The following ZNF493 variants were observed in gnomAD, a reference collection of about 807,000 sequenced individuals.
The protein encoded by ZNF493 is zinc finger protein 493.
Under a neutral mutation model 12.2 loss-of-function variants are expected in ZNF493, and 11 were observed. That is an observed-to-expected ratio of 0.90 (90% confidence interval 0.57 to 1.50). The LOEUF (loss-of-function observed/expected upper bound fraction) is 1.50, where lower values mean the gene tolerates loss of function less well. Among genes scored for constraint, ZNF493 ranks in the 40% most tolerant of loss-of-function variants. The probability of loss-of-function intolerance (pLI) is 0.00; values close to 1 mark genes in which losing one functional copy is unlikely to be tolerated. For synonymous variants in ZNF493, 286 were observed against 302.6 expected (o/e 0.95, Z 0.57); for missense variants, 950 against 906.6 (o/e 1.05, Z -0.61).
rs775665430 is a variant in ZNF493, at chr19:21,423,364, G to A, written c.705G>A (p.Glu235=). 2 of 1,613,626 alleles carry A rather than the reference G, an allele frequency of 1.2e-6. No homozygotes were observed. Among genetic ancestry groups the A allele is most frequent in the South Asian group, 2.2e-5 (2 of 91,068 alleles). The change falls in exon 4 of 4, where the codon GAG becomes GAA. Residue 235 remains glutamate, a synonymous_variant. Transcript: ENST00000392288. The part of the protein sequence containing the change: ...LTRHRRVHTG[E]KSYKYECGKS... Reference sequence around the variant, plus strand: ...GACACAGGAGAGTTCATACTGGAGAGAAATCCTACAAATATGAATGTGGCA... The same window carrying A: ...GACACAGGAGAGTTCATACTGGAGAAAAATCCTACAAATATGAATGTGGCA...
chr19:21,408,587 T>A lies in ZNF493; in HGVS notation c.253+2731T>A, dbSNP rs559142620. ...TACTGTAGTTAGACAAATTCTTTTT[T>A]AATGGTATATTAATGTTGCATACCA... On this transcript the variant is annotated intron_variant, in intron 3 of 3. Coordinates refer to ENST00000392288, the MANE Select transcript of ZNF493 (RefSeq NM_001076678.3). 11 of 985,278 alleles carry A rather than the reference T, an allele frequency of 1.1e-5. No homozygotes were observed. The African/African-American group carries it at 1.6e-4, about 14-fold the overall frequency. The allele number at this position is 985,278 out of a possible 1,614,324, so 61.0% of individuals were successfully genotyped here.
intron 3 of ZNF493, among the ~76,000 whole-genome samples, chr19:21,416,894 T>C (rs1028529250): frequency 2.6e-5 from 4 of 152,208 alleles, no homozygotes; most frequent in Non-Finnish European, 5.9e-5. Flanking sequence ...CTATTGTCCC[T>C]GCTGGCAAGG....
chr19:21,410,655 G>T (rs146394377), intron 3 of ZNF493, among the ~76,000 whole-genome samples: 2 of 151,992 alleles, frequency 1.3e-5, no homozygotes, highest in African/African-American at 4.8e-5. Context: ...CAAGTATAGT[G>T]TAGTTACATT....
chr19:21,422,823 G>A, intron 3 of ZNF493, 90 bp from the exon 4 acceptor site: 1 of 1,178,188 alleles, frequency 8.5e-7, no homozygotes, highest in East Asian at 2.5e-5. Flanking sequence ...TCTGGTTTAT[G>A]CAGTTTGTAT....
At chr19:21,422,144 C>T (rs946792787) in intron 3 of ZNF493, among the ~76,000 whole-genome samples, 7 of 152,024 alleles carry the variant, frequency 4.6e-5, no homozygotes, top group East Asian at 1.9e-4. Context: ...GCACCTGGCC[C>T]CTAGTCATCT....
At chr19:21,420,940 G>T (rs1030268623) in intron 3 of ZNF493, among the ~76,000 whole-genome samples, 1 of 151,402 alleles carries the variant, frequency 6.6e-6, no homozygotes, top group Non-Finnish European at 1.5e-5. Context: ...GTAGAGATGG[G>T]TTCCCCCATG....
intron 3 of ZNF493, among the ~76,000 whole-genome samples, chr19:21,417,328 GC>G (rs1364832894): frequency 1.3e-5 from 2 of 152,026 alleles, no homozygotes; most frequent in African/African-American, 4.8e-5. Context: ...TCTTGTCGTT[GC>G]CTGTGCTAGC....
chr19:21,424,798 C>T lies in ZNF493; in HGVS notation c.2139C>T (p.Cys713=), dbSNP rs767695804. The T allele has an allele frequency of 6.2e-7, 1 of 1,613,456 alleles. No individual in the cohort carries two copies. The highest frequency in any genetic ancestry group is 1.3e-5 in the African/African-American group (1 of 74,908). Residue 713 remains cysteine (C), a synonymous_variant, in exon 4 of 4, where the codon TGC becomes TGT. Coordinates refer to ENST00000392288, the MANE Select transcript of ZNF493 (RefSeq NM_001076678.3). ...HKIIHTGEKP[C]KCEECGKAFN... is the part of the protein sequence containing the mutation. Reference sequence around the variant, plus strand: ...TAATTCATACTGGAGAGAAACCTTGCAAATGTGAAGAATGTGGCAAAGCTT... The same window carrying T: ...TAATTCATACTGGAGAGAAACCTTGTAAATGTGAAGAATGTGGCAAAGCTT...
chr19:21,408,791 C>T, intron 3 of ZNF493: 1 of 982,590 alleles, frequency 1.0e-6, no homozygotes. Flanking sequence ...AGCCATATGT[C>T]TATCACAATC....
Position 21,405,183 on chromosome 19 carries a change from T to C in ZNF493, c.85T>C (p.Cys29Arg). 6.2e-7 allele frequency: 1 copy of C among 1,614,058 alleles called. No individual in the cohort carries two copies. Among genetic ancestry groups the C allele is most frequent in the Non-Finnish European group, 8.5e-7 (1 of 1,179,996 alleles). The change falls in exon 2 of 4, where the codon TGC becomes CGC. Residue 29 changes from cysteine to arginine, a missense_variant. Cys to Arg is a radical substitution (Grantham distance 180). Coordinates refer to ENST00000392288, the MANE Select transcript of ZNF493 (RefSeq NM_001076678.3). ...AIEFSLEEWQ[C>R]LDTAQQDLYR... ...AGAATTCTCTCTGGAGGAGTGGCAA[T>C]GCCTGGACACTGCTCAGCAGGATTT... is the stretch of plus-strand genomic sequence containing the variant.
chr19:21,420,529 T>G (rs2030624856), intron 3 of ZNF493, among the ~76,000 whole-genome samples: 1 of 68,208 alleles, frequency 1.5e-5, no homozygotes, highest in Admixed American at 1.5e-4. Context: ...CATTTATTTT[T>G]GAAGTTTTTT....
intron 3 of ZNF493, chr19:21,408,500 T>C (rs1383868125): frequency 1.0e-6 from 1 of 983,878 alleles, no homozygotes; most frequent in Non-Finnish European, 1.2e-6. Flanking sequence ...CTGCATATTC[T>C]CTGAAATTTT....
intron 3 of ZNF493, among the ~76,000 whole-genome samples, chr19:21,410,060 G>GTA (rs60038018): frequency 0.027 from 1,188 of 43,882 alleles, 32 homozygotes; most frequent in Admixed American, 0.16. Flanking sequence ...TTCATTGTGT[G>GTA]TATATATATA....
chr19:21,410,149 G>C (rs1390060118), intron 3 of ZNF493, among the ~76,000 whole-genome samples: 2 of 148,260 alleles, frequency 1.3e-5, no homozygotes, highest in African/African-American at 5.0e-5. Flanking sequence ...CAGCCCTTTG[G>C]CTTTTGTGAA....
intron 1 of ZNF493, among the ~76,000 whole-genome samples, chr19:21,402,125 G>A (rs891173018): frequency 6.6e-6 from 1 of 151,468 alleles, no homozygotes; most frequent in African/African-American, 2.4e-5. Context: ...CCGCCATCAC[G>A]ACCGGCTAAT....
intron 3 of ZNF493, among the ~76,000 whole-genome samples, chr19:21,422,660 A>C (rs2030715712): frequency 6.6e-6 from 1 of 151,964 alleles, no homozygotes; most frequent in Non-Finnish European, 1.5e-5. Context: ...GGGTAAATGT[A>C]ACAAACATTT....
rs893268419 is a variant in ZNF493 at position 21,425,975 on chromosome 19, A to G, written c.*991A>G. 10 of 670,494 alleles carry G rather than the reference A, an allele frequency of 1.5e-5. No individual in the cohort carries two copies. The highest frequency in any genetic ancestry group is 1.5e-5 in the Non-Finnish European group (6 of 387,818). The allele number at this position is 670,494 out of a possible 1,614,324, so 41.5% of individuals were successfully genotyped here. ...TGACAAAGCCTTTAACCAGTCCTCA[A>G]TTTTTACTAAACATAAGAAAATTCA... On this transcript the variant is annotated 3_prime_UTR_variant, in exon 4 of 4. Coordinates refer to ENST00000392288, the MANE Select transcript of ZNF493 (RefSeq NM_001076678.3).
At chr19:21,399,401 C>A (rs2145259237) in intron 1 of ZNF493, among the ~76,000 whole-genome samples, 1 of 151,996 alleles carries the variant, frequency 6.6e-6, no homozygotes, top group African/African-American at 2.4e-5. Flanking sequence ...ACCTCATAAT[C>A]CATCCGCCTC....
intron 3 of ZNF493, chr19:21,413,563 A>G (rs1050610829): frequency 2.0e-5 from 8 of 405,312 alleles, no homozygotes; most frequent in African/African-American, 1.4e-4. Flanking sequence ...TGTCCTCAGC[A>G]TCAATCTTGA....
Sources: allele counts gnomAD v4.1 joint callset (sites outside exome capture counted in the v4.1 genomes callset), GRCh38; gene constraint gnomAD v4.1.1; transcripts MANE v1.5; gene names NCBI Gene and HGNC (gene_info 2026-07-23, HGNC 2026-07-21).